The following RBM28 variants were observed in gnomAD, a reference collection of about 807,000 sequenced individuals.
RBM28 encodes RNA binding motif protein 28, also known as RNA-binding protein 28.
In RBM28, 78 loss-of-function variants were observed where a neutral mutation model predicts 98.3. That is an observed-to-expected ratio of 0.79 (90% CI 0.66 to 0.96). The LOEUF (loss-of-function observed/expected upper bound fraction) is 0.96. Ranked by LOEUF, RBM28 falls within the 40% of genes least tolerant of loss-of-function variation. The pLI, the probability that RBM28 is intolerant of heterozygous loss-of-function variation, is 0.00. For synonymous variants in RBM28, 306 were observed against 330.9 expected, an observed-to-expected ratio of 0.92 and a Z score of 0.82; for missense variants, 838 against 913.0, an observed-to-expected ratio of 0.92 and a Z score of 1.06.
chr7:128,325,972 G>A lies in RBM28; in HGVS notation c.1130-81C>T, dbSNP rs1796341264. 2.7e-6 allele frequency: 3 copies of A among 1,102,982 alleles called. No homozygotes were observed. The South Asian group carries it at 3.7e-5, about 14-fold the overall frequency. The allele number at this position is 1,102,982 out of a possible 1,614,324, so 68.3% of individuals were successfully genotyped here. ...ACAACATTGCAAATGGCAACAGCCT[G>A]ACACAGAGTGGAAGGGATAGGTGGC... On this transcript the variant is annotated intron_variant, in intron 10 of 18. Coordinates refer to ENST00000223073, the MANE Select transcript of RBM28 (RefSeq NM_018077.3).
In RBM28 at chr7:128,302,939, T is replaced by C. The variant is rs1015912173; in HGVS notation, c.*7858A>G. ...AGTGCACACCACCACACAAGGCTAA[T>C]TTTCAAATTTTGGGCAGTTTTACTA... On this transcript the variant is annotated 3_prime_UTR_variant, in exon 19 of 19. Coordinates refer to ENST00000223073, the MANE Select transcript of RBM28 (RefSeq NM_018077.3). 2 of 152,086 alleles carry C rather than the reference T, an allele frequency of 1.3e-5. No individual in the cohort carries two copies. The highest frequency in any genetic ancestry group is 4.8e-5 in the African/African-American group (2 of 41,378). 9.4% of individuals were successfully genotyped at this position (152,086 alleles called of 1,614,324 possible).
intron 1 of RBM28, among the ~76,000 whole-genome samples, chr7:128,340,399 C>T (rs1403261950): frequency 6.6e-6 from 1 of 152,126 alleles, no homozygotes; most frequent in Non-Finnish European, 1.5e-5. Flanking sequence ...CATTAGCATG[C>T]TCAGCCCCCT....
intron 15 of RBM28, 86 bp downstream of exon 15, chr7:128,317,871 G>A (rs896807222): frequency 6.4e-7 from 1 of 1,566,448 alleles, no homozygotes; most frequent in Non-Finnish European, 8.8e-7. Context: ...CCCCTCAAAT[G>A]TCAGAGGACA....
At chr7:128,330,782 C>G in intron 10 of RBM28, 37 bp downstream of exon 10, 1 of 1,484,850 alleles carries the variant, frequency 6.7e-7, no homozygotes, top group South Asian at 1.1e-5. Context: ...GCAGTGGTCT[C>G]AACCCTTTTA....
chr7:128,342,427 A>G (rs1796745510), intron 1 of RBM28, among the ~76,000 whole-genome samples: 1 of 152,180 alleles, frequency 6.6e-6, no homozygotes, highest in African/African-American at 2.4e-5. Context: ...AGTCCTTGCA[A>G]TGGTCTATAA....
chr7:128,326,047 G>A (rs1796343236), intron 10 of RBM28, among the ~76,000 whole-genome samples, 156 bp from the exon 11 acceptor site: 1 of 152,206 alleles, frequency 6.6e-6, no homozygotes, highest in African/African-American at 2.4e-5. Flanking sequence ...GCTCACACCT[G>A]TAATCCCGGC....
At position 128,317,978 on chromosome 7, in the gene RBM28, T is replaced by C; in HGVS notation, c.1692A>G (p.Pro564=). The C allele has an allele frequency of 1.9e-6, 3 of 1,614,206 alleles. No individual in the cohort carries two copies. Among genetic ancestry groups the C allele is most frequent in the South Asian group, 2.2e-5 (2 of 91,080 alleles). Residue 564 remains proline (P), a synonymous_variant, in exon 15 of 19, where the codon CCA becomes CCG. Coordinates refer to ENST00000223073, the MANE Select transcript of RBM28 (RefSeq NM_018077.3). ...CTACCTTCAGAGGCCCAAAGATTTC[T>C]GGATTGTTGTTGATGAGGCGGAGGG... ...LKALRLINNN[P]EIFGPLKRPI...
At position 128,322,009 on chromosome 7, in the gene RBM28, T is replaced by C. The variant is rs544944179; in HGVS notation, c.1405-585A>G. On this transcript the variant is annotated intron_variant, in intron 13 of 18. Transcript: ENST00000223073. ...GTTGTGGTGAGCCAGGATCGTGCCA[T>C]TGCACTCCAGCCTGGGCAGCAAGAG... is the stretch of plus-strand genomic sequence containing the variant. 6.0e-5 allele frequency among the ~76,000 whole-genome samples: 9 copies of C among 151,218 alleles called. No homozygotes were observed. The East Asian group carries it at 1.6e-3, about 26-fold the overall frequency.
chr7:128,316,223 A>G (rs1796105191), intron 16 of RBM28, among the ~76,000 whole-genome samples: 1 of 152,034 alleles, frequency 6.6e-6, no homozygotes, highest in Non-Finnish European at 1.5e-5. Context: ...AAACCAAAGT[A>G]AAAAAAACTA....
At chr7:128,326,404 A>T (rs371613750) in intron 10 of RBM28, among the ~76,000 whole-genome samples, 1 of 151,910 alleles carries the variant, frequency 6.6e-6, no homozygotes, top group African/African-American at 2.4e-5. Flanking sequence ...ATTACAATGG[A>T]TCTGCCCTAT....
At chr7:128,322,901 A>G (rs1023592608) in intron 13 of RBM28, among the ~76,000 whole-genome samples, 2 of 152,210 alleles carry the variant, frequency 1.3e-5, no homozygotes, top group South Asian at 2.1e-4. Flanking sequence ...AAGGTTCCAT[A>G]GCTAATTCTG....
In RBM28 at chr7:128,317,730, G is replaced by A. The variant is rs922052175; in HGVS notation, c.1717C>T (p.Pro573Ser). 13 of 1,596,454 alleles carry A rather than the reference G, an allele frequency of 8.1e-6. No homozygotes were observed. Among genetic ancestry groups the A allele is most frequent in the Admixed American group, 1.7e-5 (1 of 59,980 alleles). The change falls in exon 16 of 19, where the codon CCA (proline) becomes TCA (serine). Residue 573 changes from proline to serine, a missense_variant. By Grantham distance (74) the Pro-to-Ser change is moderately conservative. Coordinates refer to ENST00000223073, the MANE Select transcript of RBM28 (RefSeq NM_018077.3). Reference sequence around the variant, plus strand: ...TCTTCTAAAGAGAACTCCACTATTGGTCTCTGTCAGAGGGAGACAGAATGC... The same window carrying A: ...TCTTCTAAAGAGAACTCCACTATTGATCTCTGTCAGAGGGAGACAGAATGC... Reference protein sequence around the residue: ...NPEIFGPLKRPIVEFSLEDRR... With the variant: ...NPEIFGPLKRSIVEFSLEDRR...
Position 128,339,294 on chromosome 7 carries a change from G to T in RBM28, c.305C>A (p.Pro102Gln), listed in dbSNP as rs138804501. The T allele has an allele frequency of 2.5e-6, 4 of 1,613,098 alleles. No homozygotes were observed. Among genetic ancestry groups the T allele is most frequent in the Non-Finnish European group, 3.4e-6 (4 of 1,179,266 alleles). The change falls in exon 3 of 19, where the codon CCG (proline) becomes CAG (glutamine). Residue 102 changes from proline to glutamine, a missense_variant. Pro to Gln is a moderately conservative substitution (Grantham distance 76). Coordinates refer to ENST00000223073, the MANE Select transcript of RBM28 (RefSeq NM_018077.3). The part of the protein sequence containing the change: ...NENSECPKKE[P>Q]KAKKAKVADK... ...TGCCACTTTGGCTTTTTTAGCCTTC[G>T]GCTCCTTCTTTGGGCACTCTGAGTT...
rs145598142 is a variant in RBM28 at position 128,318,399 on chromosome 7, G to A, written c.1564-293C>T. ...TGAAGCAGGAGGATCACCTGAGCCCGGGGAGGTTGAAGTTACAGTGAGCCA... is the reference window on the plus strand; with the variant it reads ...TGAAGCAGGAGGATCACCTGAGCCCAGGGAGGTTGAAGTTACAGTGAGCCA... On this transcript the variant is annotated intron_variant, in intron 14 of 18. Transcript: ENST00000223073. 1.3e-3 allele frequency among the ~76,000 whole-genome samples: 191 copies of A among 151,770 alleles called. 1 individual carries two copies. Among genetic ancestry groups the A allele is most frequent in the African/African-American group, 4.0e-3 (166 of 41,372 alleles).
intron 16 of RBM28, among the ~76,000 whole-genome samples, chr7:128,315,234 C>G (rs934583874): frequency 4.9e-4 from 75 of 152,322 alleles, no homozygotes; most frequent in African/African-American, 1.7e-3. Flanking sequence ...AACCATTCCC[C>G]TTCCCATAAC....
Position 128,339,641 on chromosome 7 carries a change from C to A in RBM28, c.269G>T (p.Gly90Val), listed in dbSNP as rs753851957. The change falls in exon 2 of 19, where the codon GGG becomes GTG. Residue 90 changes from glycine to valine, a missense_variant. Gly to Val is a moderately radical substitution (Grantham distance 109). Coordinates refer to ENST00000223073, the MANE Select transcript of RBM28 (RefSeq NM_018077.3). The stretch of plus-strand genomic sequence containing the variant: ...AATTACTAGAAACTCACCATTTTTC[C>A]CCTTTTCCTTTGTCTTGTTCCTCAG... ...KKLRNKTKEK[G>V]KNENSECPKK... The A allele has an allele frequency of 6.2e-7, 1 of 1,613,982 alleles. No homozygotes were observed. The highest frequency in any genetic ancestry group is 8.5e-7 in the Non-Finnish European group (1 of 1,179,900).
chr7:128,316,148 C>CA (rs1214668504), intron 16 of RBM28, among the ~76,000 whole-genome samples: 1 of 136,040 alleles, frequency 7.4e-6, no homozygotes, highest in Admixed American at 7.2e-5. Context: ...TTCCAGGATA[C>CA]AAAAAAATAG....
At chr7:128,312,863 T>G (rs1449414930) in intron 18 of RBM28, among the ~76,000 whole-genome samples, 1 of 152,228 alleles carries the variant, frequency 6.6e-6, no homozygotes, top group Non-Finnish European at 1.5e-5. Flanking sequence ...CTGAGCAATA[T>G]GTTTCATTTT....
At chr7:128,323,506 G>GTA (rs1796281044) in intron 13 of RBM28, 21 bp downstream of exon 13, 3 of 1,613,938 alleles carry the variant, frequency 1.9e-6, no homozygotes, top group African/African-American at 2.7e-5. Flanking sequence ...GAACGTGAAG[G>GTA]TCAATGCCTA....
Sources: allele counts gnomAD v4.1 joint callset (sites outside exome capture counted in the v4.1 genomes callset), GRCh38; gene constraint gnomAD v4.1.1; transcripts MANE v1.5; gene names NCBI Gene and HGNC (gene_info 2026-07-23, HGNC 2026-07-21).